SEMA5A: variants seen among roughly 807,000 people sequenced by gnomAD.
SEMA5A encodes semaphorin-5A.
SEMA5A carries 55 observed loss-of-function variants against 135.5 expected under a neutral mutation model. The ratio of observed to expected loss-of-function variants is 0.41; its 90% CI spans 0.33 to 0.51. SEMA5A has a LOEUF of 0.51. Among genes scored for constraint, SEMA5A ranks in the 20% least tolerant of loss-of-function variants. The pLI is 0.37. For synonymous variants in SEMA5A, 580 were observed against 546.5 expected (o/e 1.06, Z -0.85); for missense variants, 1,290 against 1,419.9 (o/e 0.91, Z 1.47).
intron 5 of SEMA5A, among the ~76,000 whole-genome samples, chr5:9,300,077 G>C (rs1751537588): frequency 6.6e-6 from 1 of 152,036 alleles, no homozygotes; most frequent in Non-Finnish European, 1.5e-5. Flanking sequence ...GTTAGACTGG[G>C]GTGCACTGGC....
chr5:9,337,926 T>C (rs1753468909), intron 3 of SEMA5A, 114 bp from the exon 4 acceptor site: 1 of 688,442 alleles, frequency 1.5e-6, no homozygotes, highest in South Asian at 2.1e-5. Flanking sequence ...GATTCGGAGG[T>C]CCCTCTATGC....
At chr5:9,445,129 C>T (rs1264472912) in intron 1 of SEMA5A, among the ~76,000 whole-genome samples, 1 of 151,716 alleles carries the variant, frequency 6.6e-6, no homozygotes, top group Non-Finnish European at 1.5e-5. Context: ...CTTGAACCTC[C>T]AATCAGAGAA....
chr5:9,213,174 A>G (rs1387595966), intron 8 of SEMA5A, among the ~76,000 whole-genome samples: 1 of 152,226 alleles, frequency 6.6e-6, no homozygotes, highest in Non-Finnish European at 1.5e-5. Context: ...TCACCTCGTA[A>G]TACCATTACA....
rs143911577 is a variant in SEMA5A at position 9,467,299 on chromosome 5, G to T, written c.-174-29447C>A. Among the ~76,000 whole-genome samples the T allele has an allele frequency of 7.8e-4, 118 of 152,088 alleles. 3 individuals are homozygous for T. The East Asian group carries it at 0.021, about 28-fold the overall frequency. ...GGCTAATTTTTGTATTTTTAGTAGG[G>T]AACGGGGTTTCACCATCTTGGCCAG... On this transcript the variant is annotated intron_variant, in intron 1 of 22. Coordinates refer to ENST00000382496, the MANE Select transcript of SEMA5A (RefSeq NM_003966.3).
At chr5:9,341,470 T>C (rs2150729152) in intron 3 of SEMA5A, among the ~76,000 whole-genome samples, 2 of 151,288 alleles carry the variant, frequency 1.3e-5, no homozygotes, top group Middle Eastern at 3.4e-3. Context: ...TCGGGGAGAG[T>C]GAGGGAGCAG....
intron 1 of SEMA5A, among the ~76,000 whole-genome samples, chr5:9,504,207 C>T (rs1159473803): frequency 3.0e-5 from 4 of 134,140 alleles, no homozygotes; most frequent in African/African-American, 8.5e-5. Flanking sequence ...AGCAAGACTC[C>T]GTCTCAAAAA....
chr5:9,289,749 T>C (rs539152096), intron 5 of SEMA5A, among the ~76,000 whole-genome samples: 6 of 152,338 alleles, frequency 3.9e-5, no homozygotes, highest in African/African-American at 1.4e-4. Flanking sequence ...ATCTGCCAAT[T>C]AGACAATGTT....
Position 9,154,459 on chromosome 5 carries a change from A to G in SEMA5A, c.1481+29T>C, listed in dbSNP as rs770726396. ...TGGGTGGGCCCTTCACACACACACC[A>G]GTGCATCCTGACCCCGGAGATGCCC... On this transcript the variant is annotated intron_variant, in intron 12 of 22. Transcript: ENST00000382496. 39 of 1,607,700 alleles carry G rather than the reference A, an allele frequency of 2.4e-5. No individual in the cohort carries two copies. The South Asian group carries it at 4.2e-4, about 17-fold the overall frequency.
chr5:9,315,497 C>T (rs1219066176), intron 5 of SEMA5A, among the ~76,000 whole-genome samples: 1 of 152,142 alleles, frequency 6.6e-6, no homozygotes, highest in Non-Finnish European at 1.5e-5. Context: ...ATATCTGCTG[C>T]AAGATTCAAT....
At position 9,462,956 on chromosome 5, in the gene SEMA5A, A is replaced by G. The variant is rs537636743; in HGVS notation, c.-174-25104T>C. On this transcript the variant is annotated intron_variant, in intron 1 of 22. Coordinates refer to ENST00000382496, the MANE Select transcript of SEMA5A (RefSeq NM_003966.3). ...AAGTTTACCTATATAACAAACCCGCACATGTATCCCTGAACTTAAAATAAA... is the reference window on the plus strand; with the variant it reads ...AAGTTTACCTATATAACAAACCCGCGCATGTATCCCTGAACTTAAAATAAA... Among the ~76,000 whole-genome samples, 5 of 151,764 alleles carry G rather than the reference A, an allele frequency of 3.3e-5. No homozygotes were observed. In the East Asian group the frequency reaches 9.7e-4, roughly 30 times the overall value.
chr5:9,226,117 C>A (rs1747296629), intron 7 of SEMA5A, among the ~76,000 whole-genome samples: 1 of 152,206 alleles, frequency 6.6e-6, no homozygotes, highest in Admixed American at 6.5e-5. Flanking sequence ...TATCATCCAA[C>A]TCCTCCCTTT....
In SEMA5A at chr5:9,202,128, C is replaced by T; in HGVS notation, c.759G>A (p.Val253=). The T allele has an allele frequency of 6.2e-7, 1 of 1,614,188 alleles. No homozygotes were observed. Among genetic ancestry groups the T allele is most frequent in the Non-Finnish European group, 8.5e-7 (1 of 1,180,022 alleles). The change falls in exon 9 of 23, where the codon GTG becomes GTA. Residue 253 remains valine, a synonymous_variant. Coordinates refer to ENST00000382496, the MANE Select transcript of SEMA5A (RefSeq NM_003966.3). Reference sequence around the variant, plus strand: ...AGCGCCCACCAATATCGTTCTTGCACACCCGGGCAGCTCTGGAGAACACTG... The same window carrying T: ...AGCGCCCACCAATATCGTTCTTGCATACCCGGGCAGCTCTGGAGAACACTG... ...GKTVFSRAAR[V]CKNDIGGRFL...
At chr5:9,078,735 AT>A (rs749802948) in intron 16 of SEMA5A, among the ~76,000 whole-genome samples, 1 of 152,134 alleles carries the variant, frequency 6.6e-6, no homozygotes, top group African/African-American at 2.4e-5. Context: ...AACTGGCTCC[AT>A]TTTTTGGCAA....
intron 18 of SEMA5A, among the ~76,000 whole-genome samples, chr5:9,058,555 G>T (rs2150057768): frequency 6.6e-6 from 1 of 152,286 alleles, no homozygotes; most frequent in Admixed American, 6.5e-5. Context: ...ATTTATACAT[G>T]AAATAACTTG....
chr5:9,400,876 T>G (rs1228256892), intron 2 of SEMA5A, among the ~76,000 whole-genome samples: 1 of 152,142 alleles, frequency 6.6e-6, no homozygotes, highest in African/African-American at 2.4e-5. Flanking sequence ...TTATATACAA[T>G]TATAATTTAT....
chr5:9,368,300 C>T (rs533893438), intron 3 of SEMA5A, among the ~76,000 whole-genome samples: 1 of 152,278 alleles, frequency 6.6e-6, no homozygotes, highest in South Asian at 2.1e-4. Context: ...TCCTAACAAA[C>T]TCAGGCTATT....
At position 9,275,567 on chromosome 5, in the gene SEMA5A, T is replaced by C. The variant is rs182044793; in HGVS notation, c.271-37677A>G. Among the ~76,000 whole-genome samples the C allele has an allele frequency of 1.8e-4, 27 of 152,300 alleles. No homozygotes were observed. The East Asian group carries it at 5.2e-3, about 29-fold the overall frequency. ...TTCAGGCCAATATCCCTGATGATCA[T>C]CGATGTGAAAATCCTCAATAAAATA... On this transcript the variant is annotated intron_variant, in intron 5 of 22. Transcript: ENST00000382496.
chr5:9,403,060 A>T (rs1245080041), intron 2 of SEMA5A, among the ~76,000 whole-genome samples: 1 of 152,030 alleles, frequency 6.6e-6, no homozygotes, highest in Non-Finnish European at 1.5e-5. Context: ...TATGCTCCAA[A>T]TGCCATCTCC....
chr5:9,477,570 G>C (rs1417945452), intron 1 of SEMA5A, among the ~76,000 whole-genome samples: 1 of 152,202 alleles, frequency 6.6e-6, no homozygotes, highest in East Asian at 1.9e-4. Context: ...GGTCACTCTT[G>C]CTATGCTTTA....
Sources: allele counts gnomAD v4.1 joint callset (sites outside exome capture counted in the v4.1 genomes callset), GRCh38; gene constraint gnomAD v4.1.1; transcripts MANE v1.5; gene names NCBI Gene and HGNC (gene_info 2026-07-23, HGNC 2026-07-21).